Variants in CFAP54 observed in about 807,000 individuals in gnomAD.
CFAP54 encodes cilia- and flagella-associated protein 54.
Under a neutral mutation model 370.4 loss-of-function variants are expected in CFAP54, and 290 were observed. The ratio of observed to expected loss-of-function variants is 0.78; its 90% CI spans 0.71 to 0.86. The LOEUF is 0.86. Among genes scored for constraint, CFAP54 ranks in the 40% least tolerant of loss-of-function variants. The pLI, the probability that CFAP54 is intolerant of heterozygous loss-of-function variation, is 0.00. For missense variants in CFAP54, 3,399 were observed against 3,528.7 expected, an observed-to-expected ratio of 0.96 and a Z score of 0.93; for synonymous variants, 1,206 against 1,236.5, an observed-to-expected ratio of 0.98 and a Z score of 0.52.
chr12:96,575,835 ATTCT>A (rs993104347), intron 19 of CFAP54, among the ~76,000 whole-genome samples: 5 of 152,068 alleles, frequency 3.3e-5, no homozygotes, highest in Non-Finnish European at 5.9e-5. Flanking sequence ...AGAAAAGACT[ATTCT>A]TTCTTTATCA....
intron 66 of CFAP54, among the ~76,000 whole-genome samples, chr12:96,855,140 C>T (rs1221775372): frequency 6.6e-6 from 1 of 152,118 alleles, no homozygotes; most frequent in Admixed American, 6.5e-5. Context: ...CGAGAACTCA[C>T]TCACTATTAC....
At chr12:96,861,359 CAGTG>C (rs1489651250) in intron 67 of CFAP54, among the ~76,000 whole-genome samples, 5 of 152,176 alleles carry the variant, frequency 3.3e-5, no homozygotes, top group African/African-American at 1.2e-4. Context: ...TAGTGGCATC[CAGTG>C]AGTAAACATC....
chr12:96,798,875 C>T (rs1367894460), intron 63 of CFAP54, among the ~76,000 whole-genome samples: 1 of 152,046 alleles, frequency 6.6e-6, no homozygotes, highest in East Asian at 1.9e-4. Flanking sequence ...CTTATAGATA[C>T]TTTAGCTTTC....
chr12:96,659,004 C>T (rs2136514471), intron 38 of CFAP54, among the ~76,000 whole-genome samples: 1 of 152,204 alleles, frequency 6.6e-6, no homozygotes, highest in Non-Finnish European at 1.5e-5. Flanking sequence ...ATCAGTTCTG[C>T]AGTGGACACC....
At chr12:96,579,532 G>A (rs1956011479) in intron 20 of CFAP54, among the ~76,000 whole-genome samples, 1 of 152,162 alleles carries the variant, frequency 6.6e-6, no homozygotes, top group African/African-American at 2.4e-5. Context: ...GGCACAAGCT[G>A]TAAGACGTAG....
At chr12:96,815,448 A>G (rs1427203073) in intron 64 of CFAP54, among the ~76,000 whole-genome samples, 1 of 151,722 alleles carries the variant, frequency 6.6e-6, no homozygotes, top group Admixed American at 6.6e-5. Context: ...TAGATTCTGG[A>G]TATTAGACCT....
At chr12:96,645,545 T>A (rs928442923) in intron 33 of CFAP54, 2 of 154,054 alleles carry the variant, frequency 1.3e-5, no homozygotes, top group African/African-American at 4.8e-5. Flanking sequence ...ATAGATTCAA[T>A]GCCATCCCCA....
At chr12:96,535,716 T>A in intron 12 of CFAP54, 116 bp downstream of exon 12, 1 of 615,624 alleles carries the variant, frequency 1.6e-6, no homozygotes, top group Non-Finnish European at 2.8e-6. Flanking sequence ...TTATTTTGTT[T>A]AATCATTAGC....
chr12:96,630,785 T>C (rs191802472), intron 32 of CFAP54, 134 bp downstream of exon 32: 44 of 445,888 alleles, frequency 9.9e-5, no homozygotes, highest in African/African-American at 8.5e-4. Flanking sequence ...TACATACTAA[T>C]GAAAAAAGCA....
chr12:96,552,824 A>G (rs1014839614), intron 15 of CFAP54, among the ~76,000 whole-genome samples: 15 of 152,188 alleles, frequency 9.9e-5, no homozygotes, highest in African/African-American at 3.6e-4. Flanking sequence ...TAGGGGGGAA[A>G]CCTGGAACTA....
In CFAP54 at chr12:96,829,149, G is replaced by A. The variant is rs1959160733; in HGVS notation, c.9171+61G>A. ...CTCACAAGTATTATTGCTATGAAAT[G>A]GAAATATAGAAAACATCTAATTGTA... is the stretch of plus-strand genomic sequence containing the variant. On this transcript the variant is annotated intron_variant, in intron 66 of 67. Transcript: ENST00000524981. The A allele has an allele frequency of 1.2e-5, 11 of 940,984 alleles. No individual in the cohort carries two copies. In the South Asian group the frequency reaches 1.9e-4, roughly 16 times the overall value. 58.3% of individuals were successfully genotyped at this position (940,984 alleles called of 1,614,324 possible). A position where few individuals can be genotyped will look rare whatever the true frequency, so the allele number is the denominator to read the frequency against.
At chr12:96,552,796 A>G (rs1333796887) in intron 15 of CFAP54, among the ~76,000 whole-genome samples, 1 of 152,206 alleles carries the variant, frequency 6.6e-6, no homozygotes, top group Non-Finnish European at 1.5e-5. Flanking sequence ...ATTCCCTTCT[A>G]TAGTTACCTT....
At chr12:96,518,804 A>G in intron 5 of CFAP54, 124 bp from the exon 6 acceptor site, 1 of 799,696 alleles carries the variant, frequency 1.3e-6, no homozygotes, top group Non-Finnish European at 1.8e-6. Context: ...CACGTTATTT[A>G]TGGTATTTTT....
chr12:96,758,254 GCTGCTAATAAAGACATAC>G lies in CFAP54; in HGVS notation c.8040+670_8040+687del, dbSNP rs1592745803. ...AGGGCATGTATTAGTTCATTTTCAC[GCTGCTAATAAAGACATAC>G]CTGAGACTGAGTAATTATAAAGGAA... On this transcript the variant is annotated intron_variant, in intron 58 of 67. Transcript: ENST00000524981. 3.3e-5 allele frequency among the ~76,000 whole-genome samples: 5 copies of G among 152,176 alleles called. No homozygotes were observed. In the East Asian group the frequency reaches 9.7e-4, roughly 29 times the overall value.
chr12:96,867,084 T>C (rs778287446), intron 67 of CFAP54, among the ~76,000 whole-genome samples: 8 of 152,144 alleles, frequency 5.3e-5, no homozygotes, highest in Non-Finnish European at 8.8e-5. Context: ...ATAAAGTATA[T>C]GTAATGATCC....
intron 40 of CFAP54, chr12:96,682,286 T>G: frequency 1.0e-6 from 1 of 985,808 alleles, no homozygotes; most frequent in Non-Finnish European, 1.2e-6. Flanking sequence ...AAAAGCAAAC[T>G]TCCATATTCA....
chr12:96,642,902 C>A (rs189840879), intron 32 of CFAP54, among the ~76,000 whole-genome samples: 1 of 152,096 alleles, frequency 6.6e-6, no homozygotes, highest in Non-Finnish European at 1.5e-5. Flanking sequence ...TCTGTACCCT[C>A]TGTGGGCTGG....
intron 36 of CFAP54, among the ~76,000 whole-genome samples, chr12:96,653,897 A>G (rs913045013): frequency 2.6e-5 from 4 of 152,162 alleles, no homozygotes; most frequent in Admixed American, 1.3e-4. Flanking sequence ...GAAAAGCACA[A>G]ATTACTCATA....
intron 65 of CFAP54, among the ~76,000 whole-genome samples, chr12:96,822,181 T>C (rs1959042304): frequency 6.6e-6 from 1 of 152,344 alleles, no homozygotes; most frequent in South Asian, 2.1e-4. Flanking sequence ...GGCTGAGTTA[T>C]TTTAATCTGT....
Sources: allele counts gnomAD v4.1 joint callset (sites outside exome capture counted in the v4.1 genomes callset), GRCh38; gene constraint gnomAD v4.1.1; transcripts MANE v1.5; gene names NCBI Gene and HGNC (gene_info 2026-07-23, HGNC 2026-07-21).